LUZP1: variants seen among roughly 807,000 people sequenced by gnomAD.
LUZP1 encodes the protein leucine zipper protein 1, also known as filamin mechanobinding actin cross-linking protein.
LUZP1 carries 25 observed loss-of-function variants against 71.3 expected under a neutral mutation model. The ratio of observed to expected loss-of-function variants is 0.35; its 90% confidence interval spans 0.26 to 0.49. The LOEUF (loss-of-function observed/expected upper bound fraction) is 0.49. LUZP1 is among the 20% of genes least tolerant of loss of function. The pLI, the probability that LUZP1 is intolerant of heterozygous loss-of-function variation, is 0.99. For synonymous variants in LUZP1, 481 were observed against 506.4 expected (o/e 0.95, Z 0.67); for missense variants, 1,142 against 1,300.8 (o/e 0.88, Z 1.88).
intron 2 of LUZP1, among the ~76,000 whole-genome samples, chr1:23,149,170 T>C (rs1035856020): frequency 6.6e-6 from 1 of 151,640 alleles, no homozygotes; most frequent in Non-Finnish European, 1.5e-5. Context: ...TTTTACTTGT[T>C]ATAGATTTAA....
intron 2 of LUZP1, among the ~76,000 whole-genome samples, chr1:23,156,520 T>G (rs1023000209): frequency 2.0e-5 from 3 of 152,216 alleles, no homozygotes; most frequent in Admixed American, 2.0e-4. Flanking sequence ...AGACAAAATT[T>G]AACAATATTA....
chr1:23,141,849 T>A (rs1333998520), intron 2 of LUZP1, among the ~76,000 whole-genome samples: 1 of 150,234 alleles, frequency 6.7e-6, no homozygotes, highest in African/African-American at 2.4e-5. Context: ...CCAGCTAATT[T>A]TTTTTTTTTT....
chr1:23,134,143 C>T (rs1644235792), intron 2 of LUZP1, among the ~76,000 whole-genome samples: 1 of 152,122 alleles, frequency 6.6e-6, no homozygotes, highest in Non-Finnish European at 1.5e-5. Context: ...AAAATAGTAT[C>T]TAGCTCTTTA....
chr1:23,092,787 G>C, exon 4 of LUZP1: 1 of 1,613,614 alleles, frequency 6.2e-7, no homozygotes, highest in Non-Finnish European at 8.5e-7. Flanking sequence ...GCCTGGCTTG[G>C]AAGTCCCCTT....
At chr1:23,146,791 TGTCTCCAAAAAAA>T (rs747588641) in intron 2 of LUZP1, among the ~76,000 whole-genome samples, 279 of 150,666 alleles carry the variant, frequency 1.9e-3, no homozygotes, top group Middle Eastern at 7.1e-3. Context: ...AATGAGACTC[TGTCTCCAAAAAAA>T]TAATAATAAT....
exon 5 of LUZP1, chr1:23,088,776 A>G: frequency 1.3e-5 from 18 of 1,406,178 alleles, no homozygotes; most frequent in Admixed American, 4.6e-5. Flanking sequence ...GCTCTACCAC[A>G]GTTTTCCAGC....
At chr1:23,084,904 A>AAGAC (rs1319244580) in exon 5 of LUZP1, 1 of 152,686 alleles carries the variant, frequency 6.5e-6, no homozygotes, top group African/African-American at 2.4e-5. Flanking sequence ...CAACGCATAG[A>AAGAC]AGACAGATGA....
intron 2 of LUZP1, among the ~76,000 whole-genome samples, chr1:23,157,781 A>G (rs1268969855): frequency 6.6e-6 from 1 of 151,262 alleles, no homozygotes; most frequent in Non-Finnish European, 1.5e-5. Flanking sequence ...ATAGAGGGAG[A>G]CTCCATCTCA....
rs59486855 is a variant in LUZP1 at position 23,138,697 on chromosome 1, G to GTA, written c.-225-29572_-225-29571dup. Among the ~76,000 whole-genome samples, 460 of 135,966 alleles carry GTA rather than the reference G, an allele frequency of 3.4e-3. 2 individuals are homozygous for GTA. The highest frequency in any genetic ancestry group is 8.1e-3 in the East Asian group (38 of 4,710). 89.2% of individuals were successfully genotyped at this position (135,966 alleles called of 152,430 possible). A position where few individuals can be genotyped will look rare whatever the true frequency, so the allele number is the denominator to read the frequency against. ...TGTGTGTGTGTGTGTGTGTGTGTGT[G>GTA]TATATATATATATATATAAATGAGG... On this transcript the variant is annotated intron_variant, in intron 2 of 4. Transcript: ENST00000302291.
chr1:23,164,788 A>T (rs943952327), intron 2 of LUZP1, among the ~76,000 whole-genome samples: 44 of 152,232 alleles, frequency 2.9e-4, no homozygotes, highest in African/African-American at 9.4e-4. Flanking sequence ...ATTCTGTCAT[A>T]GGTGGAAGGG....
intron 1 of LUZP1, among the ~76,000 whole-genome samples, chr1:23,171,647 T>A (rs1352494944): frequency 1.3e-5 from 2 of 152,232 alleles, no homozygotes; most frequent in Admixed American, 1.3e-4. Flanking sequence ...GGCACATGGG[T>A]GTCCTGAAAT....
At chr1:23,160,772 T>C (rs1557692498) in intron 2 of LUZP1, among the ~76,000 whole-genome samples, 1 of 152,166 alleles carries the variant, frequency 6.6e-6, no homozygotes, top group Non-Finnish European at 1.5e-5. Context: ...AATTAGCTAA[T>C]TAAGATATTA....
chr1:23,158,469 C>G (rs2148200169), intron 2 of LUZP1, among the ~76,000 whole-genome samples: 1 of 151,042 alleles, frequency 6.6e-6, no homozygotes, highest in African/African-American at 2.4e-5. Flanking sequence ...GCCAACATGG[C>G]AAAACCCTGC....
At chr1:23,091,842 C>G in exon 4 of LUZP1, 1 of 1,614,122 alleles carries the variant, frequency 6.2e-7, no homozygotes. Context: ...CGGAGCAGCT[C>G]TGGGGCTGCT....
Position 23,138,663 on chromosome 1 carries a change from T to TTGTGTGTG in LUZP1, c.-225-29544_-225-29537dup, listed in dbSNP as rs550739499. 4.5e-3 allele frequency among the ~76,000 whole-genome samples: 569 copies of TTGTGTGTG among 125,644 alleles called. 3 individuals carry two copies. The highest frequency in any genetic ancestry group is 7.0e-3 in the African/African-American group (225 of 31,920). The allele number at this position is 125,644 out of a possible 152,430, so 82.4% of individuals were successfully genotyped here. On this transcript the variant is annotated intron_variant, in intron 2 of 4. Coordinates refer to ENST00000302291, the Ensembl canonical transcript of LUZP1. ...TTTTTATGGTATATGGATTATGTGTTTGTGTGTGTGTGTGTGTGTGTGTGT... is the reference window on the plus strand; with the variant it reads ...TTTTTATGGTATATGGATTATGTGTTTGTGTGTGTGTGTGTGTGTGTGTGTGTGTGTGT...
chr1:23,151,396 T>G (rs986957417), intron 2 of LUZP1, among the ~76,000 whole-genome samples: 4 of 152,126 alleles, frequency 2.6e-5, no homozygotes, highest in African/African-American at 7.2e-5. Context: ...TGGAAAAGGA[T>G]AGATAACACC....
chr1:23,101,207 C>T (rs1643928789), intron 3 of LUZP1, among the ~76,000 whole-genome samples: 1 of 152,204 alleles, frequency 6.6e-6, no homozygotes, highest in Non-Finnish European at 1.5e-5. Flanking sequence ...CATGTTCCTA[C>T]GTTACTCCAC....
At chr1:23,147,612 CAAA>C (rs774893320) in intron 2 of LUZP1, among the ~76,000 whole-genome samples, 5 of 61,464 alleles carry the variant, frequency 8.1e-5, no homozygotes, top group Admixed American at 2.2e-4. Flanking sequence ...AGTCTCTACC[CAAA>C]AAAAAAAAAA....
intron 2 of LUZP1, among the ~76,000 whole-genome samples, chr1:23,121,775 G>A (rs1644131390): frequency 1.3e-5 from 2 of 152,092 alleles, no homozygotes; most frequent in South Asian, 4.1e-4. Flanking sequence ...ACTTTGGGAG[G>A]CCAAGGCAGG....
Sources: allele counts gnomAD v4.1 joint callset (sites outside exome capture counted in the v4.1 genomes callset), GRCh38; gene constraint gnomAD v4.1.1; transcripts MANE v1.5; gene names NCBI Gene and HGNC (gene_info 2026-07-23, HGNC 2026-07-21).